Variants in SPON1 observed in about 807,000 individuals in gnomAD.
SPON1 encodes spondin 1.
A neutral mutation model predicts 111.7 loss-of-function variants in SPON1; 52 were observed. The observed-to-expected ratio is 0.47, with a 90% CI of 0.37 to 0.59. The LOEUF is 0.59. SPON1 is among the 20% of genes least tolerant of loss of function. SPON1 has a pLI of 0.00. For missense variants in SPON1, 957 were observed against 1,068.5 expected, an observed-to-expected ratio of 0.90 and a Z score of 1.46; for synonymous variants, 410 against 395.8, an observed-to-expected ratio of 1.04 and a Z score of -0.43.
intron 2 of SPON1, among the ~76,000 whole-genome samples, chr11:14,002,016 G>A (rs140997911): frequency 6.6e-6 from 1 of 152,252 alleles, no homozygotes; most frequent in East Asian, 1.9e-4. Context: ...TGTTTAAACA[G>A]GACTTAGTCA....
At chr11:14,059,227 T>C (rs1394831824) in intron 3 of SPON1, among the ~76,000 whole-genome samples, 2 of 151,914 alleles carry the variant, frequency 1.3e-5, no homozygotes, top group African/African-American at 2.4e-5. Flanking sequence ...GCACAGCTCA[T>C]AGTGGAGGAG....
chr11:13,971,597 ATTC>A (rs1435095942), intron 1 of SPON1, among the ~76,000 whole-genome samples: 2 of 152,050 alleles, frequency 1.3e-5, no homozygotes, highest in Non-Finnish European at 2.9e-5. Flanking sequence ...GGAATCTTAT[ATTC>A]TTCTTTCTTT....
At chr11:14,214,996 T>C (rs1224432172) in intron 6 of SPON1, among the ~76,000 whole-genome samples, 1 of 152,236 alleles carries the variant, frequency 6.6e-6, no homozygotes, top group Non-Finnish European at 1.5e-5. Flanking sequence ...GGCTCATTCA[T>C]GTCATCAGGG....
At position 14,156,020 on chromosome 11, in the gene SPON1, T is replaced by C. The variant is rs1554930363; in HGVS notation, c.825+20452T>C. On this transcript the variant is annotated intron_variant, in intron 6 of 15. Coordinates refer to ENST00000576479, the MANE Select transcript of SPON1 (RefSeq NM_006108.4). ...AGTCCTTTGGGTATATACCCAGTAATGGGATGGCTAGGCCAAATGGTATTT... is the reference window on the plus strand; with the variant it reads ...AGTCCTTTGGGTATATACCCAGTAACGGGATGGCTAGGCCAAATGGTATTT... Among the ~76,000 whole-genome samples the C allele has an allele frequency of 2.4e-5, 3 of 124,546 alleles. 1 individual carries two copies. The highest frequency in any genetic ancestry group is 5.4e-5 in the Non-Finnish European group (3 of 55,354). 81.7% of individuals were successfully genotyped at this position (124,546 alleles called of 152,430 possible).
intron 6 of SPON1, among the ~76,000 whole-genome samples, chr11:14,169,764 A>T (rs1554932239): frequency 6.6e-6 from 1 of 152,140 alleles, no homozygotes. Flanking sequence ...TCCTTTCCCC[A>T]TTGCTTGTTT....
At chr11:13,984,880 C>A (rs1306746052) in intron 2 of SPON1, among the ~76,000 whole-genome samples, 5 of 152,202 alleles carry the variant, frequency 3.3e-5, no homozygotes, top group Admixed American at 3.3e-4. Context: ...AGTGTCCAGA[C>A]CTCAGTCCTA....
chr11:14,245,252 G>A (rs1167693212), intron 7 of SPON1, among the ~76,000 whole-genome samples: 2 of 152,120 alleles, frequency 1.3e-5, no homozygotes, highest in African/African-American at 2.4e-5. Context: ...GGGAAGCTAC[G>A]GCGAGGCACC....
At position 14,261,004 on chromosome 11, in the gene SPON1, C is replaced by G. The variant is rs569034380; in HGVS notation, c.1996+252C>G. 4.6e-5 allele frequency among the ~76,000 whole-genome samples: 7 copies of G among 152,228 alleles called. No homozygotes were observed. The East Asian group carries it at 1.4e-3, about 29-fold the overall frequency. ...GTGAAGTCTAAATGACAGACACATA[C>G]GAAAAACAGCACAAAGCTCAATAAA... On this transcript the variant is annotated intron_variant, in intron 14 of 15. Transcript: ENST00000576479.
intron 6 of SPON1, among the ~76,000 whole-genome samples, chr11:14,180,648 C>G (rs1370433829): frequency 1.3e-5 from 2 of 152,232 alleles, no homozygotes; most frequent in African/African-American, 4.8e-5. Context: ...TGATTATGAT[C>G]TGCCTGCCCT....
chr11:14,064,609 T>C (rs1554920201), intron 3 of SPON1, among the ~76,000 whole-genome samples: 2 of 152,160 alleles, frequency 1.3e-5, no homozygotes, highest in African/African-American at 4.8e-5. Context: ...GAGGAGCCTT[T>C]GTTTAGAGAG....
rs1847959774 is a variant in SPON1, at chr11:14,161,294, T to G, written c.825+25726T>G. Among the ~76,000 whole-genome samples the G allele has an allele frequency of 2.9e-5, 3 of 103,548 alleles. 1 individual carries two copies. The Admixed American group carries it at 3.8e-4, about 13-fold the overall frequency. The allele number at this position is 103,548 out of a possible 152,430, so 67.9% of individuals were successfully genotyped here. A position where few individuals can be genotyped will look rare whatever the true frequency, so the allele number is the denominator to read the frequency against. ...CTGTATATCTATATATATTTATATA[T>G]TTATATATATATTTTTTTATATCTA... On this transcript the variant is annotated intron_variant, in intron 6 of 15. Transcript: ENST00000576479.
chr11:14,104,662 T>C (rs2133845309), intron 5 of SPON1, among the ~76,000 whole-genome samples: 1 of 152,266 alleles, frequency 6.6e-6, no homozygotes, highest in Admixed American at 6.5e-5. Context: ...CAATTCTTTC[T>C]ATTGTTTTTG....
chr11:14,196,444 A>C (rs1193304297), intron 6 of SPON1, among the ~76,000 whole-genome samples: 1 of 152,234 alleles, frequency 6.6e-6, no homozygotes, highest in East Asian at 1.9e-4. Context: ...TTATTGAGTT[A>C]CTTTAAAGAG....
intron 3 of SPON1, among the ~76,000 whole-genome samples, chr11:14,044,111 TC>T (rs1158735963): frequency 1.1e-5 from 1 of 87,250 alleles, no homozygotes; most frequent in Non-Finnish European, 3.0e-5. Context: ...TTTTTTAAAG[TC>T]ATGAATCCAT....
chr11:14,056,213 C>T (rs1238740635), intron 3 of SPON1, among the ~76,000 whole-genome samples: 1 of 152,142 alleles, frequency 6.6e-6, no homozygotes, highest in Non-Finnish European at 1.5e-5. Context: ...GCTGAGAAGA[C>T]TAAATGAGTT....
intron 6 of SPON1, among the ~76,000 whole-genome samples, chr11:14,202,806 A>G (rs2133897633): frequency 6.6e-6 from 1 of 152,242 alleles, no homozygotes; most frequent in East Asian, 1.9e-4. Context: ...CTTTGATTCA[A>G]GTTTCAAGGC....
chr11:14,159,627 A>G (rs1265272280), intron 6 of SPON1, among the ~76,000 whole-genome samples: 17 of 152,112 alleles, frequency 1.1e-4, no homozygotes, highest in Admixed American at 1.0e-3. Context: ...CAATTTGGAA[A>G]TGACCAAAGT....
chr11:14,186,131 C>T (rs1554934050), intron 6 of SPON1, among the ~76,000 whole-genome samples: 1 of 152,208 alleles, frequency 6.6e-6, no homozygotes, highest in African/African-American at 2.4e-5. Flanking sequence ...TCTTTGGACT[C>T]CTCTTTCAGA....
chr11:14,064,201 C>G (rs1554920156), intron 3 of SPON1, among the ~76,000 whole-genome samples: 2 of 152,172 alleles, frequency 1.3e-5, no homozygotes. Flanking sequence ...GCTTGGAATT[C>G]AGGCAGAAAT....
Sources: allele counts gnomAD v4.1 joint callset (sites outside exome capture counted in the v4.1 genomes callset), GRCh38; gene constraint gnomAD v4.1.1; transcripts MANE v1.5; gene names NCBI Gene and HGNC (gene_info 2026-07-23, HGNC 2026-07-21).